Variants in CSMD3 observed in about 807,000 individuals in gnomAD.
The protein encoded by CSMD3 is CUB and sushi domain-containing protein 3.
In CSMD3, 177 loss-of-function variants were observed where a neutral mutation model predicts 435.2. The ratio of observed to expected loss-of-function variants is 0.41; its 90% CI spans 0.36 to 0.46. CSMD3 has a LOEUF of 0.46. CSMD3 is among the 20% of genes least tolerant of loss of function. The probability of loss-of-function intolerance (pLI) is 0.34; values close to 1 mark genes in which losing one functional copy is unlikely to be tolerated. For missense variants in CSMD3, 4,265 were observed against 4,504.6 expected, an observed-to-expected ratio of 0.95 and a Z score of 1.52; for synonymous variants, 1,656 against 1,520.5, an observed-to-expected ratio of 1.09 and a Z score of -2.07.
chr8:113,246,932 T>C (rs1004856502), intron 3 of CSMD3, among the ~76,000 whole-genome samples: 17 of 152,196 alleles, frequency 1.1e-4, no homozygotes, highest in Non-Finnish European at 1.5e-5. Context: ...GGGATACACA[T>C]GCAATGCTCC....
At chr8:113,365,309 C>T (rs1202093854) in intron 1 of CSMD3, among the ~76,000 whole-genome samples, 1 of 151,986 alleles carries the variant, frequency 6.6e-6, no homozygotes, top group Non-Finnish European at 1.5e-5. Flanking sequence ...GAAAAGTTAC[C>T]TTAAACATAA....
At chr8:113,209,022 G>GT (rs1428494439) in intron 3 of CSMD3, among the ~76,000 whole-genome samples, 1 of 152,066 alleles carries the variant, frequency 6.6e-6, no homozygotes, top group African/African-American at 2.4e-5. Context: ...TCATGAATAA[G>GT]CATCTACCAT....
At chr8:113,275,140 C>T (rs184098385) in intron 3 of CSMD3, among the ~76,000 whole-genome samples, 1 of 151,890 alleles carries the variant, frequency 6.6e-6, no homozygotes, top group Non-Finnish European at 1.5e-5. Context: ...AGATCCTATT[C>T]TAGGCACTCT....
intron 5 of CSMD3, among the ~76,000 whole-genome samples, chr8:113,059,955 G>T (rs973134515): frequency 6.6e-6 from 1 of 151,660 alleles, no homozygotes; most frequent in Admixed American, 6.6e-5. Context: ...CTAGCAGTAG[G>T]ACTGAAGACT....
intron 10 of CSMD3, among the ~76,000 whole-genome samples, chr8:112,917,025 A>C (rs893789523): frequency 6.6e-6 from 1 of 151,976 alleles, no homozygotes; most frequent in South Asian, 2.1e-4. Flanking sequence ...TGTCTATCAT[A>C]TAACCTGTAC....
At chr8:113,088,116 C>T (rs1258610698) in intron 5 of CSMD3, among the ~76,000 whole-genome samples, 10 of 150,334 alleles carry the variant, frequency 6.7e-5, no homozygotes, top group Admixed American at 1.3e-4. Flanking sequence ...AAAATGCTCA[C>T]CATCACTGGC....
At chr8:113,176,673 C>T (rs1209580565) in intron 3 of CSMD3, among the ~76,000 whole-genome samples, 2 of 151,924 alleles carry the variant, frequency 1.3e-5, no homozygotes, top group Non-Finnish European at 2.9e-5. Flanking sequence ...AAACCAAACA[C>T]CACATATTCT....
intron 31 of CSMD3, among the ~76,000 whole-genome samples, chr8:112,473,591 AAAAC>A (rs1228034359): frequency 6.6e-6 from 1 of 152,160 alleles, no homozygotes; most frequent in African/African-American, 2.4e-5. Flanking sequence ...GTTTCAATGA[AAAAC>A]AAGTGTTCAA....
intron 4 of CSMD3, among the ~76,000 whole-genome samples, chr8:113,137,950 C>A (rs1011708429): frequency 2.6e-5 from 4 of 151,602 alleles, no homozygotes; most frequent in African/African-American, 9.7e-5. Context: ...CTCCTTAGCA[C>A]TCTTCAATGT....
rs57730505 is a variant in CSMD3 at position 113,049,516 on chromosome 8, C to T, written c.918-30337G>A. Among the ~76,000 whole-genome samples the T allele has an allele frequency of 8.3e-3, 1,258 of 151,700 alleles. 30 individuals carry two copies. Among genetic ancestry groups the T allele is most frequent in the African/African-American group, 0.029 (1,189 of 41,354 alleles). ...TGGCTTTAACATAATGTTGACAGAT[C>T]AACTGACAAGAACGATTATTTTTTA... On this transcript the variant is annotated intron_variant, in intron 5 of 70. Coordinates refer to ENST00000297405, the MANE Select transcript of CSMD3 (RefSeq NM_198123.2).
At chr8:112,604,063 T>A (rs1483207675) in intron 22 of CSMD3, among the ~76,000 whole-genome samples, 1 of 152,164 alleles carries the variant, frequency 6.6e-6, no homozygotes, top group Non-Finnish European at 1.5e-5. Context: ...CCACTTATGC[T>A]CTCCAAAACT....
intron 3 of CSMD3, among the ~76,000 whole-genome samples, chr8:113,206,773 GA>G (rs1049178983): frequency 3.3e-5 from 5 of 151,946 alleles, no homozygotes; most frequent in Non-Finnish European, 4.4e-5. Context: ...TACATGAATG[GA>G]AAAAAATGTA....
intron 22 of CSMD3, among the ~76,000 whole-genome samples, chr8:112,601,902 T>C (rs1832381577): frequency 1.3e-5 from 2 of 152,258 alleles, no homozygotes; most frequent in Admixed American, 6.5e-5. Context: ...AAACCATAGG[T>C]ATTAGGGATG....
intron 3 of CSMD3, among the ~76,000 whole-genome samples, chr8:113,224,782 G>A (rs1285778466): frequency 6.7e-6 from 1 of 148,942 alleles, no homozygotes; most frequent in African/African-American, 2.4e-5. Flanking sequence ...ATTAAATTCT[G>A]GCTCTTGTGT....
At chr8:112,941,709 T>C (rs937221948) in intron 9 of CSMD3, among the ~76,000 whole-genome samples, 1 of 151,782 alleles carries the variant, frequency 6.6e-6, no homozygotes, top group Non-Finnish European at 1.5e-5. Context: ...AAATAACATG[T>C]GTATATGTGG....
chr8:113,004,006 G>A (rs1287509232), intron 6 of CSMD3, among the ~76,000 whole-genome samples: 2 of 152,012 alleles, frequency 1.3e-5, no homozygotes, highest in South Asian at 2.1e-4. Flanking sequence ...GAAATAAATT[G>A]TAATGATAAA....
intron 22 of CSMD3, among the ~76,000 whole-genome samples, chr8:112,614,839 C>T (rs1424944472): frequency 6.6e-6 from 1 of 151,994 alleles, no homozygotes; most frequent in African/African-American, 2.4e-5. Context: ...TAGTTTAGTA[C>T]ATAAATGCTA....
intron 44 of CSMD3, 103 bp downstream of exon 44, chr8:112,336,549 A>T (rs1262712152): frequency 5.3e-5 from 48 of 909,626 alleles, no homozygotes; most frequent in Admixed American, 3.2e-4. Context: ...CAATTCAAAT[A>T]TCAGATGACA....
At chr8:112,910,649 A>G (rs1479663787) in intron 10 of CSMD3, among the ~76,000 whole-genome samples, 2 of 151,290 alleles carry the variant, frequency 1.3e-5, no homozygotes, top group African/African-American at 4.9e-5. Flanking sequence ...CAAGCATTGT[A>G]TCTTTGTCCT....
Sources: gnomAD v4.1 joint callset for allele counts (sites outside exome capture counted in the v4.1 genomes callset) on GRCh38, gnomAD v4.1.1 for gene constraint, MANE v1.5 for transcripts, NCBI Gene and HGNC (gene_info 2026-07-23, HGNC 2026-07-21) for gene names.